The following SKAP1 variants were observed in gnomAD, a reference collection of about 807,000 sequenced individuals.
SKAP1 encodes the protein src kinase-associated phosphoprotein 1.
Under a neutral mutation model 58.5 loss-of-function variants are expected in SKAP1, and 44 were observed. The observed-to-expected ratio is 0.75, with a 90% CI of 0.59 to 0.97. The LOEUF is 0.97. Among genes scored for constraint, SKAP1 ranks in the 50% least tolerant of loss-of-function variants. The pLI, the probability that SKAP1 is intolerant of heterozygous loss-of-function variation, is 0.00. For missense variants in SKAP1, 390 were observed against 435.2 expected, an observed-to-expected ratio of 0.90 and a Z score of 0.92; for synonymous variants, 127 against 149.7, an observed-to-expected ratio of 0.85 and a Z score of 1.11.
rs182712335 is a variant in SKAP1, at chr17:48,173,695, C to T, written c.827-3036G>A. ...GTTTATTCTACCTCTGCTGTCTGTG[C>T]GCAGCTGTCTCTTCCTCCCAATTCT... On this transcript the variant is annotated intron_variant, in intron 9 of 12. Transcript: ENST00000336915. Among the ~76,000 whole-genome samples the T allele has an allele frequency of 3.6e-3, 543 of 152,246 alleles. 29 individuals carry two copies. The South Asian group carries it at 0.1, about 29-fold the overall frequency.
rs1384884693 is a variant in SKAP1 at position 48,137,302 on chromosome 17, C to T, written c.1014G>A (p.Leu338=). 1.9e-6 allele frequency: 3 copies of T among 1,613,788 alleles called. No individual in the cohort carries two copies. The South Asian group carries it at 3.3e-5, about 18-fold the overall frequency. ...YNMYGWWVGE[L]NSLVGIVPKE... is the part of the protein sequence containing the mutation. Reference sequence around the variant, plus strand: ...TTGGAACAATCCCAACGAGGCTGTTCAGTTCTCCCACCCACCAGCCATACA... The same window carrying T: ...TTGGAACAATCCCAACGAGGCTGTTTAGTTCTCCCACCCACCAGCCATACA... The change falls in exon 12 of 13, where the codon CTG becomes CTA. Residue 338 remains leucine (L), a synonymous_variant. Coordinates refer to ENST00000336915, the MANE Select transcript of SKAP1 (RefSeq NM_003726.4).
chr17:48,184,729 G>A lies in SKAP1; in HGVS notation c.561C>T (p.Ser187=), dbSNP rs1342598948. The change falls in exon 7 of 13, where the codon AGC becomes AGT. Residue 187 remains serine (S), a synonymous_variant. Coordinates refer to ENST00000336915, the MANE Select transcript of SKAP1 (RefSeq NM_003726.4). The part of the protein sequence containing the change: ...CFELTSQDRR[S]YEFTATSPAE... ...TCTCCTTGATGCGTCCTACCTCATA[G>A]CTGCGCCTATCCTGGGAGGTCAGTT... 6.2e-7 allele frequency: 1 copy of A among 1,614,046 alleles called. No individual in the cohort carries two copies. Among genetic ancestry groups the A allele is most frequent in the East Asian group, 2.2e-5 (1 of 44,878 alleles).
chr17:48,417,737 T>A (rs565809617), intron 1 of SKAP1, among the ~76,000 whole-genome samples: 2 of 133,122 alleles, frequency 1.5e-5, no homozygotes, highest in South Asian at 4.6e-4. Flanking sequence ...AGAGCGAGAC[T>A]TCGTCTCAAA....
intron 4 of SKAP1, among the ~76,000 whole-genome samples, chr17:48,211,605 T>C (rs1019897416): frequency 6.6e-6 from 1 of 152,196 alleles, no homozygotes; most frequent in Non-Finnish European, 1.5e-5. Flanking sequence ...CATCTCCCAA[T>C]AACATATTTA....
intron 11 of SKAP1, among the ~76,000 whole-genome samples, chr17:48,144,352 T>A (rs2063803750): frequency 6.6e-6 from 1 of 152,216 alleles, no homozygotes; most frequent in African/African-American, 2.4e-5. Context: ...CAGCCCAGTC[T>A]GAACACCACG....
At chr17:48,273,945 G>A (rs528862470) in intron 4 of SKAP1, among the ~76,000 whole-genome samples, 13 of 152,012 alleles carry the variant, frequency 8.6e-5, no homozygotes, top group South Asian at 4.1e-4. Context: ...TTAGAGATGG[G>A]GTCTTGCTCT....
intron 1 of SKAP1, among the ~76,000 whole-genome samples, chr17:48,409,768 G>A (rs1346689011): frequency 1.3e-5 from 2 of 152,004 alleles, no homozygotes; most frequent in African/African-American, 4.8e-5. Context: ...GATTTTTAGG[G>A]TAGTGAAATT....
chr17:48,247,104 C>G (rs2065304397), intron 4 of SKAP1, among the ~76,000 whole-genome samples: 1 of 152,176 alleles, frequency 6.6e-6, no homozygotes, highest in Admixed American at 6.5e-5. Flanking sequence ...AGAAAAGTGT[C>G]ACTATACCTA....
intron 1 of SKAP1, among the ~76,000 whole-genome samples, chr17:48,399,260 C>T (rs1356637298): frequency 1.3e-5 from 2 of 152,070 alleles, no homozygotes; most frequent in Non-Finnish European, 2.9e-5. Context: ...AAATAAATGA[C>T]ATCTAAGATT....
chr17:48,158,951 C>T (rs1156793475), intron 11 of SKAP1, among the ~76,000 whole-genome samples: 1 of 140,926 alleles, frequency 7.1e-6, no homozygotes, highest in African/African-American at 2.6e-5. Flanking sequence ...CAGAGCGAGA[C>T]GCCTTCTCAA....
intron 2 of SKAP1, among the ~76,000 whole-genome samples, chr17:48,388,129 T>C (rs2144504782): frequency 6.6e-6 from 1 of 152,258 alleles, no homozygotes; most frequent in South Asian, 2.1e-4. Context: ...ACCAATCAAA[T>C]ATTTTTTATA....
At chr17:48,286,788 T>C (rs2065835128) in intron 4 of SKAP1, among the ~76,000 whole-genome samples, 1 of 152,224 alleles carries the variant, frequency 6.6e-6, no homozygotes, top group Non-Finnish European at 1.5e-5. Flanking sequence ...CCTCTTCATA[T>C]TGCTCATCTT....
At chr17:48,336,328 C>G (rs1598584827) in intron 4 of SKAP1, among the ~76,000 whole-genome samples, 2 of 152,198 alleles carry the variant, frequency 1.3e-5, no homozygotes, top group African/African-American at 4.8e-5. Flanking sequence ...CTCCCCTCCC[C>G]ATAGGGCAGC....
At chr17:48,189,272 C>T in intron 5 of SKAP1, 151 bp downstream of exon 5, 2 of 612,504 alleles carry the variant, frequency 3.3e-6, no homozygotes, top group East Asian at 2.8e-5. Context: ...ACGAAAACAC[C>T]AGACTCCTTT....
At chr17:48,197,125 G>A (rs1389549347) in intron 4 of SKAP1, among the ~76,000 whole-genome samples, 2 of 152,110 alleles carry the variant, frequency 1.3e-5, no homozygotes, top group Non-Finnish European at 2.9e-5. Flanking sequence ...GGGCATAGTG[G>A]TGCACACCTG....
rs558359155 is a variant in SKAP1 at position 48,386,596 on chromosome 17, AG to A, written c.152+10083del. ...GATACTTGGAGTATCGAGGATCTAA[AG>A]ACTAGCGAAAGCAATTTATTGTCTG... On this transcript the variant is annotated intron_variant, in intron 2 of 12. Transcript: ENST00000336915. Among the ~76,000 whole-genome samples, 13 of 152,322 alleles carry A rather than the reference AG, an allele frequency of 8.5e-5. No individual in the cohort carries two copies. The East Asian group carries it at 2.5e-3, about 29-fold the overall frequency.
At chr17:48,193,332 C>T (rs983101744) in intron 4 of SKAP1, among the ~76,000 whole-genome samples, 30 of 152,212 alleles carry the variant, frequency 2.0e-4, no homozygotes, top group African/African-American at 6.7e-4. Context: ...CATGAGCCAC[C>T]GCACCCGGTC....
intron 11 of SKAP1, among the ~76,000 whole-genome samples, chr17:48,143,181 T>G (rs1336287992): frequency 1.4e-5 from 2 of 148,044 alleles, no homozygotes; most frequent in Non-Finnish European, 3.0e-5. Context: ...TTACCTATAA[T>G]TCTTTAGCTT....
chr17:48,300,420 G>T (rs946224749), intron 4 of SKAP1, among the ~76,000 whole-genome samples: 1 of 152,172 alleles, frequency 6.6e-6, no homozygotes, highest in African/African-American at 2.4e-5. Flanking sequence ...TGGGCTACAG[G>T]TATTTTTGAG....
Sources: gnomAD v4.1 joint callset for allele counts (sites outside exome capture counted in the v4.1 genomes callset) on GRCh38, gnomAD v4.1.1 for gene constraint, MANE v1.5 for transcripts, NCBI Gene and HGNC (gene_info 2026-07-23, HGNC 2026-07-21) for gene names.